The following BACH2 variants were observed in gnomAD, a reference collection of about 807,000 sequenced individuals.
BACH2 encodes the protein BACH transcriptional regulator 2.
In BACH2, 5 loss-of-function variants were observed where a neutral mutation model predicts 61.8. The ratio of observed to expected loss-of-function variants is 0.08; its 90% CI spans 0.04 to 0.17. The LOEUF (loss-of-function observed/expected upper bound fraction) is 0.17, where lower values mean the gene tolerates loss of function less well. Among genes scored for constraint, BACH2 ranks in the 10% least tolerant of loss-of-function variants. BACH2 has a pLI of 1.00. For missense variants in BACH2, 824 were observed against 1,091.1 expected, an observed-to-expected ratio of 0.76 and a Z score of 3.45; for synonymous variants, 446 against 440.1, an observed-to-expected ratio of 1.01 and a Z score of -0.17.
intron 4 of BACH2, among the ~76,000 whole-genome samples, chr6:90,202,110 T>A (rs1271705488): frequency 6.6e-6 from 1 of 152,244 alleles, no homozygotes; most frequent in Non-Finnish European, 1.5e-5. Flanking sequence ...ATACCTTTGC[T>A]ACGTTCATAA....
At chr6:90,051,337 T>C (rs544391709) in intron 5 of BACH2, among the ~76,000 whole-genome samples, 76 of 152,324 alleles carry the variant, frequency 5.0e-4, no homozygotes, top group South Asian at 1.4e-3. Context: ...CTGGACTTAC[T>C]CTTTTACATC....
chr6:90,217,032 G>A (rs1327991283), intron 3 of BACH2, among the ~76,000 whole-genome samples: 1 of 152,162 alleles, frequency 6.6e-6, no homozygotes, highest in African/African-American at 2.4e-5. Context: ...GTGGCACCAT[G>A]CAACTTGGGG....
chr6:90,277,928 C>A (rs1348651079), intron 1 of BACH2, among the ~76,000 whole-genome samples: 1 of 152,142 alleles, frequency 6.6e-6, no homozygotes, highest in Non-Finnish European at 1.5e-5. Flanking sequence ...ATCCGAGAAG[C>A]CTTTAAAGTT....
In BACH2 at chr6:90,008,876, A is replaced by G. The variant is rs759668535; in HGVS notation, c.-12-20T>C. 5.7e-6 allele frequency: 9 copies of G among 1,590,994 alleles called. No homozygotes were observed. Among genetic ancestry groups the G allele is most frequent in the Non-Finnish European group, 7.7e-6 (9 of 1,171,156 alleles). ...CACACCCTGAAAGAAAGAAAGAAAC[A>G]AAGAAAGAAAGAAAGAAAGGCTGAG... On this transcript the variant is annotated intron_variant, in intron 5 of 8. Transcript: ENST00000257749. This position sits in a 1 kb window ranked among gnomAD's most constrained non-coding sequence, Gnocchi z 4.1.
At chr6:90,254,975 C>T (rs1023348847) in intron 2 of BACH2, among the ~76,000 whole-genome samples, 8 of 152,188 alleles carry the variant, frequency 5.3e-5, no homozygotes, top group Non-Finnish European at 1.2e-4. Flanking sequence ...ATTGTAAATA[C>T]AGTGGGTTCT....
At chr6:90,238,147 A>G (rs2127863276) in intron 3 of BACH2, among the ~76,000 whole-genome samples, 1 of 152,360 alleles carries the variant, frequency 6.6e-6, no homozygotes, top group Non-Finnish European at 1.5e-5. Flanking sequence ...CATACTCTAT[A>G]CGAAGCTAAA....
chr6:90,059,294 C>T (rs914348805), intron 5 of BACH2, among the ~76,000 whole-genome samples: 4 of 152,292 alleles, frequency 2.6e-5, no homozygotes, highest in African/African-American at 9.6e-5. Flanking sequence ...AACAAACAAC[C>T]CCATCAACAA....
chr6:90,276,458 C>T (rs140730375), intron 1 of BACH2, among the ~76,000 whole-genome samples: 3 of 152,308 alleles, frequency 2.0e-5, no homozygotes, highest in African/African-American at 7.2e-5. Flanking sequence ...AAGGTAGACA[C>T]TGAAGTCTTT....
chr6:90,221,961 G>A (rs1278921408), intron 3 of BACH2, among the ~76,000 whole-genome samples: 1 of 151,866 alleles, frequency 6.6e-6, no homozygotes, highest in African/African-American at 2.4e-5. Flanking sequence ...GAAACACAAG[G>A]TGAACTAAAC....
At chr6:89,934,356 C>T (rs1455834300) in intron 8 of BACH2, among the ~76,000 whole-genome samples, 1 of 152,114 alleles carries the variant, frequency 6.6e-6, no homozygotes, top group Non-Finnish European at 1.5e-5. Flanking sequence ...TAAGGTTTTA[C>T]CATCAACATT....
At chr6:90,159,758 T>C (rs943111383) in intron 4 of BACH2, among the ~76,000 whole-genome samples, 2 of 152,210 alleles carry the variant, frequency 1.3e-5, no homozygotes, top group African/African-American at 4.8e-5. Context: ...GCTAGTGACA[T>C]TGTACTGTAC....
At chr6:90,040,092 T>C (rs911351665) in intron 5 of BACH2, among the ~76,000 whole-genome samples, 2 of 151,998 alleles carry the variant, frequency 1.3e-5, no homozygotes, top group Admixed American at 6.6e-5. Context: ...TTTTGTGTCA[T>C]TGAATTCATT....
chr6:89,957,365 A>G (rs1774480933), intron 6 of BACH2, among the ~76,000 whole-genome samples: 1 of 152,220 alleles, frequency 6.6e-6, no homozygotes, highest in African/African-American at 2.4e-5. Context: ...TACTATTTCA[A>G]CAAAGCTTCT....
At position 90,060,392 on chromosome 6, in the gene BACH2, C is replaced by A. The variant is rs75649144; in HGVS notation, c.-13+28569G>T. On this transcript the variant is annotated intron_variant, in intron 5 of 8. Transcript: ENST00000257749. ...CATGAAACTATTTTAGTTTTATTTT[C>A]CAGTTCATTAATTAGTCCATTACAA... Among the ~76,000 whole-genome samples the A allele has an allele frequency of 7.6e-3, 1,149 of 152,124 alleles. 53 individuals are homozygous for A. In the East Asian group the frequency reaches 0.14, roughly 18 times the overall value.
intron 6 of BACH2, among the ~76,000 whole-genome samples, chr6:89,980,363 A>G (rs1357763395): frequency 2.0e-5 from 3 of 152,184 alleles, no homozygotes; most frequent in Non-Finnish European, 4.4e-5. Flanking sequence ...ATGAAAACTG[A>G]AAAGCACACC....
At chr6:90,006,555 C>A (rs1221052296) in intron 6 of BACH2, among the ~76,000 whole-genome samples, 2 of 152,188 alleles carry the variant, frequency 1.3e-5, no homozygotes, top group African/African-American at 4.8e-5. Context: ...ATGGAGCATT[C>A]TATTTTGAGT....
chr6:90,206,214 A>G (rs920708580), intron 4 of BACH2, among the ~76,000 whole-genome samples: 1 of 152,188 alleles, frequency 6.6e-6, no homozygotes, highest in African/African-American at 2.4e-5. Flanking sequence ...AAGTCAGGCC[A>G]CTTGTCTAGG....
intron 4 of BACH2, among the ~76,000 whole-genome samples, chr6:90,181,153 T>C (rs925249254): frequency 3.3e-5 from 5 of 152,224 alleles, no homozygotes; most frequent in Admixed American, 6.5e-5. Flanking sequence ...AAGTGTTCCC[T>C]TTTCACTATA....
At chr6:90,150,009 T>A (rs1784757239) in intron 4 of BACH2, among the ~76,000 whole-genome samples, 1 of 152,190 alleles carries the variant, frequency 6.6e-6, no homozygotes, top group Admixed American at 6.5e-5. Flanking sequence ...ATGATTACTC[T>A]CCTTCAAGCC....
Sources: gnomAD v4.1 joint callset for allele counts (sites outside exome capture counted in the v4.1 genomes callset) on GRCh38, gnomAD v4.1.1 for gene constraint, Gnocchi (gnomAD v3.1) non-coding constraint, MANE v1.5 for transcripts, NCBI Gene and HGNC (gene_info 2026-07-23, HGNC 2026-07-21) for gene names.